The following NOMO2 variants were observed in gnomAD, a reference collection of about 807,000 sequenced individuals.
The protein encoded by NOMO2 is NODAL modulator 2, also known as BOS complex subunit NOMO2.
Under a neutral mutation model 67.1 loss-of-function variants are expected in NOMO2, and 14 were observed. The ratio of observed to expected loss-of-function variants is 0.21; its 90% CI spans 0.14 to 0.33. The LOEUF (loss-of-function observed/expected upper bound fraction) is 0.33. Ranked by LOEUF, NOMO2 falls within the 10% of genes least tolerant of loss-of-function variation. NOMO2 has a pLI of 1.00. For synonymous variants in NOMO2, 80 were observed against 305.9 expected (o/e 0.26, Z 7.71); for missense variants, 178 against 761.0 (o/e 0.23, Z 9.01).
At chr16:18,541,460 CCTTT>C (rs1180131786) in intron 9 of NOMO2, among the ~76,000 whole-genome samples, 2 of 145,388 alleles carry the variant, frequency 1.4e-5, no homozygotes, top group African/African-American at 4.9e-5. Context: ...CTCCTTTCTT[CCTTT>C]ATTTTTCTAG....
chr16:18,544,085 G>T (rs1004441875), intron 6 of NOMO2, among the ~76,000 whole-genome samples: 1 of 150,868 alleles, frequency 6.6e-6, no homozygotes, highest in African/African-American at 2.4e-5. Context: ...GTAGAGACAG[G>T]GTTTCACCGT....
chr16:18,557,877 T>G, intron 1 of NOMO2, 86 bp from the exon 2 acceptor site: 1 of 1,592,062 alleles, frequency 6.3e-7, no homozygotes. Flanking sequence ...ACTCAGTCAG[T>G]ATACATTCAC....
At position 18,531,562 on chromosome 16, in the gene NOMO2, G is replaced by A. The variant is rs749946351; in HGVS notation, c.1441C>T (p.Pro481Ser). The change falls in exon 13 of 31, where the codon CCC becomes TCC. Residue 481 changes from proline to serine, a missense_variant. Pro to Ser is a moderately conservative substitution (Grantham distance 74). Coordinates refer to ENST00000622306, the MANE Select transcript of NOMO2 (RefSeq NM_173614.4). ...AETRAGLTLK[P>S]QTFPLTVTDR... The stretch of plus-strand genomic sequence containing the variant: ...GTCACAGTAAGAGGAAATGTCTGGG[G>A]TTTCAACGTCAGCCCTGCTCTGGTT... 3 of 1,610,878 alleles carry A rather than the reference G, an allele frequency of 1.9e-6. No individual in the cohort carries two copies. The highest frequency in any genetic ancestry group is 1.3e-5 in the African/African-American group (1 of 74,866).
At position 18,526,611 on chromosome 16, in the gene NOMO2, A is replaced by G. The variant is rs1467167337; in HGVS notation, c.1894+926T>C. ...ACAGAACAAACTACTGATATGTGCC[A>G]TGACACAGATAAACTTCAAAAACAT... is the stretch of plus-strand genomic sequence containing the variant. On this transcript the variant is annotated intron_variant, in intron 16 of 30. Coordinates refer to ENST00000622306, the MANE Select transcript of NOMO2 (RefSeq NM_173614.4). Among the ~76,000 whole-genome samples the G allele has an allele frequency of 3.3e-5, 5 of 151,614 alleles. No individual in the cohort carries two copies. The South Asian group carries it at 6.3e-4, about 19-fold the overall frequency.
At chr16:18,559,584 C>T (rs1314744457) in intron 1 of NOMO2, among the ~76,000 whole-genome samples, 1 of 152,006 alleles carries the variant, frequency 6.6e-6, no homozygotes, top group East Asian at 1.9e-4. Context: ...ACTTCATTCC[C>T]CAGTGCCTGA....
chr16:18,536,290 C>T (rs1321482654), intron 11 of NOMO2, among the ~76,000 whole-genome samples: 1 of 152,184 alleles, frequency 6.6e-6, no homozygotes, highest in Non-Finnish European at 1.5e-5. Context: ...CTTTCTTTAG[C>T]TAACTTTTAG....
chr16:18,551,849 G>A (rs1901795393), intron 3 of NOMO2, among the ~76,000 whole-genome samples: 2 of 152,062 alleles, frequency 1.3e-5, no homozygotes, highest in African/African-American at 4.8e-5. Context: ...AAAATTCAGT[G>A]AGCACCAAAT....
At chr16:18,547,880 CCAG>C (rs1901688615) in intron 5 of NOMO2, among the ~76,000 whole-genome samples, 2 of 149,208 alleles carry the variant, frequency 1.3e-5, no homozygotes, top group African/African-American at 4.9e-5. Flanking sequence ...AGATAAGAAA[CCAG>C]CAGCTGATGA....
intron 9 of NOMO2, among the ~76,000 whole-genome samples, chr16:18,540,046 C>A (rs1329796700): frequency 6.6e-6 from 1 of 151,636 alleles, no homozygotes; most frequent in African/African-American, 2.4e-5. Flanking sequence ...GAGACAGGGA[C>A]TTTTTCTGTC....
At chr16:18,533,997 G>C (rs1208815802) in intron 11 of NOMO2, among the ~76,000 whole-genome samples, 2 of 151,840 alleles carry the variant, frequency 1.3e-5, no homozygotes, top group East Asian at 3.9e-4. Flanking sequence ...TCATTTTAAA[G>C]AATCTTCAAG....
chr16:18,550,941 T>G (rs1359258602), intron 4 of NOMO2, among the ~76,000 whole-genome samples: 2 of 151,658 alleles, frequency 1.3e-5, no homozygotes, highest in African/African-American at 4.8e-5. Context: ...GCGGATCACC[T>G]GAGGTCAGGA....
chr16:18,531,598 G>A lies in NOMO2; in HGVS notation c.1405C>T (p.Pro469Ser). Residue 469 changes from proline to serine, a missense_variant, in exon 13 of 31, where the codon CCT becomes TCT. Pro to Ser is a moderately conservative substitution (Grantham distance 74, BLOSUM62 -1). Coordinates refer to ENST00000622306, the MANE Select transcript of NOMO2 (RefSeq NM_173614.4). ...AGCCCTGCTCTGGTTTCTGCCTCAGGAACCATCACCTGCGGAAACGTGGAT... is the reference window on the plus strand; with the variant it reads ...AGCCCTGCTCTGGTTTCTGCCTCAGAAACCATCACCTGCGGAAACGTGGAT... ...PGTYKVQVMV[P>S]EAETRAGLTL... The A allele has an allele frequency of 6.2e-7, 1 of 1,612,768 alleles. No homozygotes were observed. The highest frequency in any genetic ancestry group is 8.5e-7 in the Non-Finnish European group (1 of 1,179,608).
chr16:18,559,353 G>A (rs1369295094), intron 1 of NOMO2, among the ~76,000 whole-genome samples: 2 of 151,662 alleles, frequency 1.3e-5, no homozygotes, highest in African/African-American at 4.9e-5. Flanking sequence ...AAAGGAAGCA[G>A]TTGGGTCTGA....
intron 3 of NOMO2, among the ~76,000 whole-genome samples, chr16:18,552,201 CTCAAG>C: frequency 7.1e-6 from 1 of 140,392 alleles, no homozygotes; most frequent in East Asian, 2.0e-4. Flanking sequence ...ACAACCGCCA[CTCAAG>C]TCTGCCAACC....
At chr16:18,529,284 AG>A (rs1901235996) in intron 15 of NOMO2, 1 of 629,946 alleles carries the variant, frequency 1.6e-6, no homozygotes, top group Non-Finnish European at 2.9e-6. Flanking sequence ...GATTTAGTGT[AG>A]GGCCAGGACA....
intron 11 of NOMO2, among the ~76,000 whole-genome samples, chr16:18,536,977 C>A (rs527880809): frequency 0.023 from 3,478 of 151,436 alleles, 1 homozygote; most frequent in African/African-American, 0.08. Context: ...CCTGTTGGGC[C>A]CTACCTCCTA....
chr16:18,552,469 GCA>G (rs201636709), intron 3 of NOMO2, among the ~76,000 whole-genome samples: 6,953 of 97,612 alleles, frequency 0.071, 385 homozygotes, highest in African/African-American at 0.22. Flanking sequence ...ACGCGTACAT[GCA>G]CACACACACA....
chr16:18,528,777 G>A (rs1253197574), intron 15 of NOMO2, among the ~76,000 whole-genome samples: 1 of 150,900 alleles, frequency 6.6e-6, no homozygotes, highest in South Asian at 2.1e-4. Context: ...CCAACATGGT[G>A]GAACTCTGTC....
Position 18,525,415 on chromosome 16 carries a change from A to G in NOMO2, c.1895-863T>C, listed in dbSNP as rs1019135093. On this transcript the variant is annotated intron_variant, in intron 16 of 30. Transcript: ENST00000622306. ...GGGGGAGCATTTGACAGCCACAAAC[A>G]TATCAATTGTGGCACATGCAAGAAG... Among the ~76,000 whole-genome samples the G allele has an allele frequency of 2.0e-5, 3 of 150,268 alleles. No individual in the cohort carries two copies. The East Asian group carries it at 5.9e-4, about 29-fold the overall frequency.
Sources: allele counts gnomAD v4.1 joint callset (sites outside exome capture counted in the v4.1 genomes callset), GRCh38; gene constraint gnomAD v4.1.1; transcripts MANE v1.5; gene names NCBI Gene and HGNC (gene_info 2026-07-23, HGNC 2026-07-21).